TMEM68: variants seen among roughly 807,000 people sequenced by gnomAD.
TMEM68 encodes the protein transmembrane protein 68, also known as DGAT1/2-independent enzyme synthesizing storage lipids.
A neutral mutation model predicts 36.9 loss-of-function variants in TMEM68; 25 were observed. That is an observed-to-expected ratio of 0.68 (90% CI 0.49 to 0.95). The LOEUF is 0.95. Among genes scored for constraint, TMEM68 ranks in the 40% least tolerant of loss-of-function variants. TMEM68 has a pLI of 0.00. For missense variants in TMEM68, 333 were observed against 392.0 expected, an observed-to-expected ratio of 0.85 and a Z score of 1.27; for synonymous variants, 131 against 124.4, an observed-to-expected ratio of 1.05 and a Z score of -0.35.
At chr8:55,740,256 T>G in intron 7 of TMEM68, 38 bp from the exon 8 acceptor site, 2 of 1,495,002 alleles carry the variant, frequency 1.3e-6, no homozygotes, top group Non-Finnish European at 1.9e-6. Context: ...TGTTAGTAGA[T>G]CTTAATATAG....
Position 55,739,936 on chromosome 8 carries a change from T to C in TMEM68, c.*196A>G. 1 of 504,748 alleles carries C rather than the reference T, an allele frequency of 2.0e-6. No individual in the cohort carries two copies. The highest frequency in any genetic ancestry group is 3.5e-6 in the Non-Finnish European group (1 of 289,264). The allele number at this position is 504,748 out of a possible 1,614,324, so 31.3% of individuals were successfully genotyped here. A position where few individuals can be genotyped will look rare whatever the true frequency, so the allele number is the denominator to read the frequency against. ...ATCTTTTTCTGAATTACTAGGTGTGTAATTTGTTAGTATTTGACACAATTG... is the reference window on the plus strand; with the variant it reads ...ATCTTTTTCTGAATTACTAGGTGTGCAATTTGTTAGTATTTGACACAATTG... On this transcript the variant is annotated 3_prime_UTR_variant, in exon 8 of 8. Coordinates refer to ENST00000434581, the MANE Select transcript of TMEM68 (RefSeq NM_001286657.2).
chr8:55,769,018 TAAAAAAAAAAAAA>T (rs200493179), intron 1 of TMEM68, among the ~76,000 whole-genome samples: 6 of 82,096 alleles, frequency 7.3e-5, no homozygotes, highest in African/African-American at 3.0e-4. Flanking sequence ...ACTCTGTCTT[TAAAAAAAAAAAAA>T]AAAAAAAAAA....
At chr8:55,743,863 G>A (rs1810183033) in intron 6 of TMEM68, among the ~76,000 whole-genome samples, 6 of 151,932 alleles carry the variant, frequency 3.9e-5, no homozygotes, top group Admixed American at 3.9e-4. Flanking sequence ...AGAACTCTCT[G>A]TACTTTCTAT....
rs992504138 is a variant in TMEM68, at chr8:55,739,876, T to C, written c.*256A>G. The stretch of plus-strand genomic sequence containing the variant: ...ATTAATAAACTTAAGAATCTATATG[T>C]TTAGCATAAATTGTTAGGAATTTAC... On this transcript the variant is annotated 3_prime_UTR_variant, in exon 8 of 8. Transcript: ENST00000434581. 2.4e-6 allele frequency: 1 copy of C among 424,270 alleles called. No homozygotes were observed. The highest frequency in any genetic ancestry group is 4.1e-5 in the Admixed American group (1 of 24,142). The allele number at this position is 424,270 out of a possible 1,614,324, so 26.3% of individuals were successfully genotyped here. A position where few individuals can be genotyped will look rare whatever the true frequency, so the allele number is the denominator to read the frequency against.
rs1368476904 is a variant in TMEM68 at position 55,748,276 on chromosome 8, T to C, written c.687+2688A>G. Among the ~76,000 whole-genome samples the C allele has an allele frequency of 8.9e-4, 136 of 152,270 alleles. 3 individuals are homozygous for C. The highest frequency in any genetic ancestry group is 1.9e-4 in the East Asian group (1 of 5,176). ...CGCCTCCTGGGTTTTTAAGCAACTCTCCTGCCTCAGCCTCCCATGTAGCTG... is the reference window on the plus strand; with the variant it reads ...CGCCTCCTGGGTTTTTAAGCAACTCCCCTGCCTCAGCCTCCCATGTAGCTG... On this transcript the variant is annotated intron_variant, in intron 5 of 7. Transcript: ENST00000434581.
At chr8:55,753,947 C>T (rs757212308) in intron 4 of TMEM68, among the ~76,000 whole-genome samples, 1 of 151,406 alleles carries the variant, frequency 6.6e-6, no homozygotes, top group Non-Finnish European at 1.5e-5. Context: ...CAAAAATTAG[C>T]CAGGTATGGT....
At chr8:55,745,361 G>A (rs1374788408) in intron 5 of TMEM68, 5 of 249,078 alleles carry the variant, frequency 2.0e-5, no homozygotes, top group African/African-American at 1.1e-4. Flanking sequence ...GGCGTGAGGG[G>A]ATCACAAAGT....
rs1224958726 is a variant in TMEM68 at position 55,762,646 on chromosome 8, G to C, written c.314C>G (p.Ala105Gly). ...GTATCCTTGCTTACCATGCCAAACG[G>C]CTGCATGTCCATCCCACAGAGTTGC... The part of the protein sequence containing the change: ...TVATLWDGHA[A>G]VWHGYEVHGM... Residue 105 changes from alanine (A) to glycine (G), a missense_variant, in exon 3 of 8, where the codon GCC (alanine) becomes GGC (glycine). Transcript: ENST00000434581. 6.2e-7 allele frequency: 1 copy of C among 1,614,018 alleles called. No homozygotes were observed. Among genetic ancestry groups the C allele is most frequent in the East Asian group, 2.2e-5 (1 of 44,886 alleles).
intron 4 of TMEM68, among the ~76,000 whole-genome samples, chr8:55,755,569 G>A (rs2129974396): frequency 6.9e-6 from 1 of 145,614 alleles, no homozygotes; most frequent in African/African-American, 2.5e-5. Context: ...ACTGTGCCCA[G>A]CCAAGACAAA....
intron 3 of TMEM68, 30 bp from the exon 4 acceptor site, chr8:55,756,441 A>G: frequency 6.5e-7 from 1 of 1,531,066 alleles, no homozygotes; most frequent in East Asian, 2.4e-5. Context: ...CAAATACTTA[A>G]AATATATTCA....
At chr8:55,759,967 G>C (rs2129996251) in intron 3 of TMEM68, among the ~76,000 whole-genome samples, 1 of 152,326 alleles carries the variant, frequency 6.6e-6, no homozygotes, top group East Asian at 1.9e-4. Context: ...CAGAAGAAAG[G>C]GTTTCAGTAG....
chr8:55,766,078 T>TAA (rs1220240704), intron 1 of TMEM68, among the ~76,000 whole-genome samples: 1 of 152,208 alleles, frequency 6.6e-6, no homozygotes, highest in African/African-American at 2.4e-5. Flanking sequence ...GGGAGAAAGA[T>TAA]AAACAGCAGT....
At chr8:55,744,440 G>GGACT (rs1181184956) in intron 6 of TMEM68, among the ~76,000 whole-genome samples, 4 of 149,298 alleles carry the variant, frequency 2.7e-5, no homozygotes, top group Non-Finnish European at 5.9e-5. Flanking sequence ...TGAGTAGCTG[G>GGACT]GACTATAGGT....
intron 1 of TMEM68, among the ~76,000 whole-genome samples, chr8:55,772,110 G>A (rs1376672447): frequency 6.6e-6 from 1 of 152,110 alleles, no homozygotes; most frequent in Non-Finnish European, 1.5e-5. Context: ...TAACCGTGCA[G>A]CACTCTTACC....
chr8:55,758,224 G>A (rs1229471583), intron 3 of TMEM68, among the ~76,000 whole-genome samples: 1 of 152,154 alleles, frequency 6.6e-6, no homozygotes, highest in Non-Finnish European at 1.5e-5. Context: ...CTGAACTGAA[G>A]GTAGCTGTAG....
rs944299863 is a variant in TMEM68 at position 55,743,623 on chromosome 8, G to A, written c.749-3C>T. The A allele has an allele frequency of 5.9e-6, 9 of 1,531,306 alleles. No homozygotes were observed. Among genetic ancestry groups the A allele is most frequent in the Middle Eastern group, 1.7e-4 (1 of 5,980 alleles). 94.9% of individuals were successfully genotyped at this position (1,531,306 alleles called of 1,614,324 possible). On this transcript the variant is annotated splice_region_variant and splice_polypyrimidine_tract_variant and intron_variant, in intron 6 of 7. Transcript: ENST00000434581. Reference sequence around the variant, plus strand: ...TTCATAAAGCCACCTAAATAACCCTGTTTTAGAGTAAATACAATCATTTTA... The same window carrying A: ...TTCATAAAGCCACCTAAATAACCCTATTTTAGAGTAAATACAATCATTTTA...
chr8:55,771,173 G>T (rs1811145565), intron 1 of TMEM68, among the ~76,000 whole-genome samples: 1 of 151,050 alleles, frequency 6.6e-6, no homozygotes, highest in African/African-American at 2.4e-5. Flanking sequence ...AAAAAAAGTT[G>T]ACAAGCTCAA....
chr8:55,756,194 G>C (rs760867931), intron 4 of TMEM68, 50 bp downstream of exon 4: 2 of 1,517,444 alleles, frequency 1.3e-6, no homozygotes, highest in Non-Finnish European at 1.8e-6. Context: ...CACATAACTT[G>C]GTTTTGTTAA....
intron 1 of TMEM68, among the ~76,000 whole-genome samples, chr8:55,766,110 A>C (rs573602364): frequency 1.3e-5 from 2 of 152,302 alleles, no homozygotes; most frequent in South Asian, 4.1e-4. Flanking sequence ...ATGGAGTTCT[A>C]TGTCAGGCAC....
Sources: gnomAD v4.1 joint callset for allele counts (sites outside exome capture counted in the v4.1 genomes callset) on GRCh38, gnomAD v4.1.1 for gene constraint, MANE v1.5 for transcripts, NCBI Gene and HGNC (gene_info 2026-07-23, HGNC 2026-07-21) for gene names.